Variants in SUSD3 observed in about 807,000 individuals in gnomAD.
SUSD3 encodes sushi domain-containing protein 3.
In SUSD3, 18 loss-of-function variants were observed where a neutral mutation model predicts 20.6. The observed-to-expected ratio is 0.87, with a 90% CI of 0.60 to 1.30. The LOEUF is 1.30. Ranked by LOEUF, SUSD3 falls within the 50% of genes most tolerant of loss-of-function variation. SUSD3 has a pLI of 0.00. For synonymous variants in SUSD3, 137 were observed against 141.5 expected (o/e 0.97, Z 0.23); for missense variants, 306 against 346.9 (o/e 0.88, Z 0.94).
intron 1 of SUSD3, among the ~76,000 whole-genome samples, chr9:93,059,845 A>C (rs1019163036): frequency 6.6e-6 from 1 of 152,212 alleles, no homozygotes; most frequent in African/African-American, 2.4e-5. Flanking sequence ...AGCTCAGCAA[A>C]GTGGGCGCTG....
intron 3 of SUSD3, among the ~76,000 whole-genome samples, chr9:93,078,863 C>A: frequency 6.6e-6 from 1 of 151,606 alleles, no homozygotes; most frequent in East Asian, 1.9e-4. Context: ...GCAGTGGCTC[C>A]ATCTCAGCTC....
At chr9:93,081,162 A>C (rs1826396461) in intron 4 of SUSD3, among the ~76,000 whole-genome samples, 2 of 152,086 alleles carry the variant, frequency 1.3e-5, no homozygotes, top group African/African-American at 4.8e-5. Context: ...TCAGTCTGTG[A>C]GTGCTTCCTG....
At position 93,062,617 on chromosome 9, in the gene SUSD3, T is replaced by G. The variant is rs112453674; in HGVS notation, c.88+3787T>G. Among the ~76,000 whole-genome samples the G allele has an allele frequency of 2.4e-3, 358 of 152,074 alleles. 2 individuals are homozygous for G. Among genetic ancestry groups the G allele is most frequent in the Non-Finnish European group, 3.6e-3 (244 of 67,970 alleles). ...CCATCTGCAGGCAGCTGGGAGTTCATGAGTATTTGAAGCAGGGGAGGGGAC... is the reference window on the plus strand; with the variant it reads ...CCATCTGCAGGCAGCTGGGAGTTCAGGAGTATTTGAAGCAGGGGAGGGGAC... On this transcript the variant is annotated intron_variant, in intron 1 of 4. Coordinates refer to ENST00000375472, the MANE Select transcript of SUSD3 (RefSeq NM_145006.4).
chr9:93,069,558 CTAATT>C (rs1208931280), intron 1 of SUSD3, among the ~76,000 whole-genome samples: 1 of 152,112 alleles, frequency 6.6e-6, no homozygotes, highest in Non-Finnish European at 1.5e-5. Flanking sequence ...AAATTTATAA[CTAATT>C]TATTCTTTTT....
At chr9:93,083,256 G>C (rs1047169708) in intron 4 of SUSD3, among the ~76,000 whole-genome samples, 1 of 152,184 alleles carries the variant, frequency 6.6e-6, no homozygotes, top group Non-Finnish European at 1.5e-5. Flanking sequence ...TGGAGACCTC[G>C]AGCACTCAGC....
chr9:93,063,938 C>A (rs1825604298), intron 1 of SUSD3, among the ~76,000 whole-genome samples: 1 of 152,168 alleles, frequency 6.6e-6, no homozygotes, highest in African/African-American at 2.4e-5. Context: ...GGCTTGTATT[C>A]CAAATCGTTC....
intron 1 of SUSD3, among the ~76,000 whole-genome samples, chr9:93,072,240 G>A (rs1038020158): frequency 6.6e-6 from 1 of 152,066 alleles, no homozygotes; most frequent in Admixed American, 6.5e-5. Context: ...CTCCCAAAGC[G>A]GTGGGGCATG....
At chr9:93,062,090 G>A (rs908252138) in intron 1 of SUSD3, among the ~76,000 whole-genome samples, 1 of 152,234 alleles carries the variant, frequency 6.6e-6, no homozygotes, top group African/African-American at 2.4e-5. Context: ...AGGCTGGGAG[G>A]ATGAGAATCC....
chr9:93,060,822 G>A lies in SUSD3; in HGVS notation c.88+1992G>A, dbSNP rs191525623. ...ACTGCACTCCACCCTGGGCAACAGAGCGAGATTCTGTCTCAAAACAAAACA... is the reference window on the plus strand; with the variant it reads ...ACTGCACTCCACCCTGGGCAACAGAACGAGATTCTGTCTCAAAACAAAACA... On this transcript the variant is annotated intron_variant, in intron 1 of 4. Transcript: ENST00000375472. Among the ~76,000 whole-genome samples the A allele has an allele frequency of 2.6e-5, 4 of 152,322 alleles. No homozygotes were observed. The East Asian group carries it at 7.7e-4, about 29-fold the overall frequency.
chr9:93,080,562 G>A (rs544782102), intron 4 of SUSD3, among the ~76,000 whole-genome samples: 7 of 152,318 alleles, frequency 4.6e-5, no homozygotes, highest in Admixed American at 2.0e-4. Context: ...GCCCGGCTCT[G>A]CATTTCTGGT....
At position 93,084,681 on chromosome 9, in the gene SUSD3, G is replaced by A. The variant is rs199536028; in HGVS notation, c.702G>A (p.Gln234=). The stretch of plus-strand genomic sequence containing the variant: ...TGGTGCACATGGCAAACCCCAGACA[G>A]CCCCTGCCTGCCTCTGGGCTGGCCA... ...QVMVHMANPR[Q]PLPASGLATG... Residue 234 remains glutamine (Q), a synonymous_variant, in exon 5 of 5, where the codon CAG becomes CAA. Coordinates refer to ENST00000375472, the MANE Select transcript of SUSD3 (RefSeq NM_145006.4). 81 of 1,604,270 alleles carry A rather than the reference G, an allele frequency of 5.0e-5. 1 individual carries two copies. Among genetic ancestry groups the A allele is most frequent in the Non-Finnish European group, 5.1e-5 (60 of 1,175,174 alleles).
intron 3 of SUSD3, 40 bp downstream of exon 3, chr9:93,078,033 G>T: frequency 2.5e-6 from 4 of 1,613,202 alleles, no homozygotes; most frequent in Non-Finnish European, 3.4e-6. Flanking sequence ...CCCGGGAGGC[G>T]CCTCTTGGCA....
chr9:93,078,235 A>G (rs919725935), intron 3 of SUSD3, among the ~76,000 whole-genome samples: 5 of 152,096 alleles, frequency 3.3e-5, no homozygotes, highest in Non-Finnish European at 2.9e-5. Context: ...AGGCCAGGCT[A>G]TGGGTTCACG....
chr9:93,062,047 A>ACGGATTGTTCTCAGACGCC (rs1205359818), intron 1 of SUSD3, among the ~76,000 whole-genome samples: 1 of 152,248 alleles, frequency 6.6e-6, no homozygotes, highest in African/African-American at 2.4e-5. Context: ...ATTAACAAGT[A>ACGGATTGTTCTCAGACGCC]CGGATTGTTC....
chr9:93,075,751 C>CCCCCCCCCCCCCCCCCCCCCCCCCCA, intron 1 of SUSD3, 33 bp from the exon 2 acceptor site: 1 of 248,754 alleles, frequency 4.0e-6, no homozygotes, highest in Non-Finnish European at 7.6e-6. Context: ...CCCCCCCCCC[C>CCCCCCCCCCCCCCCCCCCCCCCCCCA]CCGCCATGCC....
Position 93,058,741 on chromosome 9 carries a change from G to A in SUSD3, c.-2G>A, listed in dbSNP as rs1825379779. 8.1e-7 allele frequency: 1 copy of A among 1,234,226 alleles called. No individual in the cohort carries two copies. Among genetic ancestry groups the A allele is most frequent in the Non-Finnish European group, 1.0e-6 (1 of 988,538 alleles). 76.5% of individuals were successfully genotyped at this position (1,234,226 alleles called of 1,614,324 possible). On this transcript the variant is annotated 5_prime_UTR_variant, in exon 1 of 5. Coordinates refer to ENST00000375472, the MANE Select transcript of SUSD3 (RefSeq NM_145006.4). ...CCCGCCAAGCGCCTCGGAGCGCGCA[G>A]GATGCGCTGGGCGGCCGCCACCCTC...
At chr9:93,080,168 C>T (rs914179766) in intron 4 of SUSD3, among the ~76,000 whole-genome samples, 2 of 151,840 alleles carry the variant, frequency 1.3e-5, no homozygotes, top group African/African-American at 2.4e-5. Flanking sequence ...AAAACACAAA[C>T]ATTACCTGGG....
At chr9:93,068,774 A>G (rs1825810656) in intron 1 of SUSD3, among the ~76,000 whole-genome samples, 1 of 152,232 alleles carries the variant, frequency 6.6e-6, no homozygotes, top group African/African-American at 2.4e-5. Context: ...AGATTCAATG[A>G]ATACAGTAGA....
chr9:93,082,305 CTTTCCTTTTTT>C (rs1826445535), intron 4 of SUSD3, among the ~76,000 whole-genome samples: 2 of 137,632 alleles, frequency 1.5e-5, no homozygotes, highest in Admixed American at 7.3e-5. Context: ...TTTTAGGCCT[CTTTCCTTTTTT>C]TTTTTTTTTT....
Sources: gnomAD v4.1 joint callset for allele counts (sites outside exome capture counted in the v4.1 genomes callset) on GRCh38, gnomAD v4.1.1 for gene constraint, MANE v1.5 for transcripts, NCBI Gene and HGNC (gene_info 2026-07-23, HGNC 2026-07-21) for gene names.